Variants in RAB18 observed in about 807,000 individuals in gnomAD.
RAB18 encodes the protein RAB18, member RAS oncogene family, also known as ras-related protein Rab-18.
Under a neutral mutation model 28.5 loss-of-function variants are expected in RAB18, and 10 were observed. The observed-to-expected ratio is 0.35, with a 90% CI of 0.22 to 0.60. The LOEUF (loss-of-function observed/expected upper bound fraction) is 0.60. Among genes scored for constraint, RAB18 ranks in the 20% least tolerant of loss-of-function variants. RAB18 has a pLI of 0.78. For synonymous variants in RAB18, 93 were observed against 86.9 expected, an observed-to-expected ratio of 1.07 and a Z score of -0.39; for missense variants, 188 against 244.2, an observed-to-expected ratio of 0.77 and a Z score of 1.53.
intron 3 of RAB18, among the ~76,000 whole-genome samples, chr10:27,530,070 AG>A (rs1387563036): frequency 6.6e-6 from 1 of 152,118 alleles, no homozygotes; most frequent in African/African-American, 2.4e-5. Flanking sequence ...TGTTTCATTA[AG>A]GCAGTTTTTG....
intron 2 of RAB18, among the ~76,000 whole-genome samples, chr10:27,511,334 C>A (rs1251318880): frequency 6.6e-6 from 1 of 152,146 alleles, no homozygotes; most frequent in Non-Finnish European, 1.5e-5. Flanking sequence ...ACCCAAGTAG[C>A]TGGGACTACA....
chr10:27,535,950 G>A (rs1441701797), intron 6 of RAB18, among the ~76,000 whole-genome samples: 1 of 152,124 alleles, frequency 6.6e-6, no homozygotes, highest in Non-Finnish European at 1.5e-5. Context: ...GGGCGTGGTG[G>A]CGGGTGCCTG....
At chr10:27,516,612 T>G (rs1270791333) in intron 2 of RAB18, among the ~76,000 whole-genome samples, 1 of 152,072 alleles carries the variant, frequency 6.6e-6, no homozygotes, top group Non-Finnish European at 1.5e-5. Flanking sequence ...TTAGTCTATA[T>G]TCCTTAGGCT....
intron 2 of RAB18, among the ~76,000 whole-genome samples, chr10:27,513,160 A>G (rs909824328): frequency 4.6e-5 from 7 of 151,414 alleles, no homozygotes; most frequent in African/African-American, 1.7e-4. Flanking sequence ...TCAGCCTCCC[A>G]AGAAGCTGGG....
At chr10:27,510,266 C>G (rs955813619) in intron 2 of RAB18, 7 of 342,474 alleles carry the variant, frequency 2.0e-5, no homozygotes, top group Non-Finnish European at 3.9e-5. Flanking sequence ...ATGCCAGGGA[C>G]TGCTACTAAG....
chr10:27,514,456 T>A (rs1834390678), intron 2 of RAB18, among the ~76,000 whole-genome samples: 1 of 151,322 alleles, frequency 6.6e-6, no homozygotes, highest in Admixed American at 6.6e-5. Context: ...ATAAATGAAA[T>A]TAGAAAATAA....
intron 2 of RAB18, chr10:27,514,120 ACCT>A (rs1387051553): frequency 1.3e-5 from 2 of 152,176 alleles, no homozygotes; most frequent in Middle Eastern, 3.2e-3. Flanking sequence ...TTCTGCATAA[ACCT>A]CCTACAAATA....
chr10:27,509,683 G>T (rs987238814), intron 1 of RAB18, among the ~76,000 whole-genome samples, 192 bp from the exon 2 acceptor site: 1 of 152,076 alleles, frequency 6.6e-6, no homozygotes, highest in African/African-American at 2.4e-5. Flanking sequence ...TTGCTCTTGG[G>T]ATTTTTAAAT....
intron 1 of RAB18, among the ~76,000 whole-genome samples, chr10:27,506,950 T>C (rs1163965337): frequency 2.6e-5 from 4 of 152,088 alleles, no homozygotes; most frequent in African/African-American, 7.2e-5. Flanking sequence ...GGATTACATA[T>C]AGTGAGAAAG....
At position 27,540,328 on chromosome 10, in the gene RAB18, C is replaced by T. The variant is rs748429278; in HGVS notation, c.*2277C>T. 4.4e-6 allele frequency: 2 copies of T among 454,066 alleles called. No individual in the cohort carries two copies. The highest frequency in any genetic ancestry group is 3.1e-5 in the South Asian group (2 of 64,480). 28.1% of individuals were successfully genotyped at this position (454,066 alleles called of 1,614,324 possible). ...TATGTTAGGTAACCCCCAAAGATCA[C>T]ATAGCTACTCAGTCACTGAGCTGGA... On this transcript the variant is annotated 3_prime_UTR_variant, in exon 7 of 7. Coordinates refer to ENST00000356940, the MANE Select transcript of RAB18 (RefSeq NM_021252.5).
At chr10:27,507,633 T>G (rs1367844988) in intron 1 of RAB18, among the ~76,000 whole-genome samples, 1 of 151,700 alleles carries the variant, frequency 6.6e-6, no homozygotes, top group Non-Finnish European at 1.5e-5. Context: ...ATAAATTTGG[T>G]CACATCTAAG....
intron 2 of RAB18, among the ~76,000 whole-genome samples, chr10:27,520,465 A>T (rs1834523393): frequency 6.6e-6 from 1 of 151,248 alleles, no homozygotes; most frequent in African/African-American, 2.4e-5. Flanking sequence ...AGTTTTCCTT[A>T]TTGTGTTTTA....
chr10:27,533,579 A>G (rs1243356100), intron 4 of RAB18, among the ~76,000 whole-genome samples, 156 bp from the exon 5 acceptor site: 1 of 152,062 alleles, frequency 6.6e-6, no homozygotes, highest in Non-Finnish European at 1.5e-5. Context: ...TGTTTCTTCC[A>G]TTTGGATCAG....
intron 1 of RAB18, among the ~76,000 whole-genome samples, chr10:27,509,032 T>C (rs1364780613): frequency 1.3e-5 from 2 of 152,222 alleles, no homozygotes; most frequent in African/African-American, 2.4e-5. Flanking sequence ...TTCTGCTTCA[T>C]AGTAAGTAAA....
chr10:27,528,895 C>T (rs1271081685), intron 3 of RAB18, among the ~76,000 whole-genome samples: 2 of 151,856 alleles, frequency 1.3e-5, no homozygotes, highest in Non-Finnish European at 2.9e-5. Flanking sequence ...CTGTTTTTGC[C>T]TCTGAGTGTT....
At chr10:27,508,921 T>A (rs1425002080) in intron 1 of RAB18, among the ~76,000 whole-genome samples, 1 of 152,224 alleles carries the variant, frequency 6.6e-6, no homozygotes, top group Non-Finnish European at 1.5e-5. Context: ...GAGAGTCTTA[T>A]ACTTCAGAAG....
chr10:27,521,464 A>G (rs1834551667), intron 2 of RAB18, among the ~76,000 whole-genome samples: 1 of 152,214 alleles, frequency 6.6e-6, no homozygotes, highest in East Asian at 1.9e-4. Context: ...ATGCCCATCA[A>G]TCAATGAGTA....
intron 2 of RAB18, chr10:27,510,244 A>G (rs1408975610): frequency 2.7e-6 from 1 of 372,956 alleles, no homozygotes; most frequent in South Asian, 2.5e-5. Context: ...CAGTTATTTG[A>G]ATACTTATTG....
chr10:27,510,079 A>G (rs1834296324), intron 2 of RAB18, 149 bp downstream of exon 2: 1 of 683,992 alleles, frequency 1.5e-6, no homozygotes, highest in Non-Finnish European at 2.6e-6. Context: ...TAATTTTGGT[A>G]TCATTAAATC....
Sources: gnomAD v4.1 joint callset for allele counts (sites outside exome capture counted in the v4.1 genomes callset) on GRCh38, gnomAD v4.1.1 for gene constraint, MANE v1.5 for transcripts, NCBI Gene and HGNC (gene_info 2026-07-23, HGNC 2026-07-21) for gene names.